The following ADAM9 variants were observed in gnomAD, a reference collection of about 807,000 sequenced individuals.
The protein encoded by ADAM9 is ADAM metallopeptidase domain 9.
A neutral mutation model predicts 108.1 loss-of-function variants in ADAM9; 54 were observed. The ratio of observed to expected loss-of-function variants is 0.50; its 90% CI spans 0.40 to 0.63. ADAM9 has a LOEUF of 0.63. Ranked by LOEUF, ADAM9 falls within the 20% of genes least tolerant of loss-of-function variation. The pLI, the probability that ADAM9 is intolerant of heterozygous loss-of-function variation, is 0.00. For missense variants in ADAM9, 830 were observed against 997.7 expected, an observed-to-expected ratio of 0.83 and a Z score of 2.26; for synonymous variants, 316 against 336.0, an observed-to-expected ratio of 0.94 and a Z score of 0.65.
At chr8:39,061,240 A>G (rs1588397539) in intron 14 of ADAM9, among the ~76,000 whole-genome samples, 1 of 152,206 alleles carries the variant, frequency 6.6e-6, no homozygotes, top group African/African-American at 2.4e-5. Flanking sequence ...CTTTCTTACC[A>G]TAATAACCAT....
chr8:39,098,888 G>T (rs1839593380), intron 20 of ADAM9, among the ~76,000 whole-genome samples: 1 of 152,086 alleles, frequency 6.6e-6, no homozygotes, highest in Admixed American at 6.6e-5. Context: ...CCTACCGAGA[G>T]TATTTTTCTT....
chr8:39,096,202 AT>A (rs1195258382), intron 20 of ADAM9, among the ~76,000 whole-genome samples: 1 of 135,212 alleles, frequency 7.4e-6, no homozygotes, highest in Non-Finnish European at 1.7e-5. Flanking sequence ...CACCTCAAGG[AT>A]TTATCATTTC....
rs1564298159 is a variant in ADAM9, at chr8:39,045,154, GTATACATACATATA to G, written c.1302+3039_1302+3052del. On this transcript the variant is annotated intron_variant, in intron 12 of 21. Transcript: ENST00000487273. Reference sequence around the variant, plus strand: ...TACATACATATATGTGTATATATGTGTATACATACATATATGTGTATATATGTGTATACATACAT... The same window carrying G: ...TACATACATATATGTGTATATATGTGTGTGTATATATGTGTATACATACAT... Among the ~76,000 whole-genome samples, 351 of 109,480 alleles carry G rather than the reference GTATACATACATATA, an allele frequency of 3.2e-3. 45 individuals carry two copies. The highest frequency in any genetic ancestry group is 5.6e-3 in the East Asian group (21 of 3,736). 71.8% of individuals were successfully genotyped at this position (109,480 alleles called of 152,430 possible).
intron 18 of ADAM9, 63 bp downstream of exon 18, chr8:39,083,136 C>T (rs1839074461): frequency 8.4e-7 from 1 of 1,190,486 alleles, no homozygotes; most frequent in South Asian, 1.2e-5. Flanking sequence ...ATTGGGCATC[C>T]TCGTACCTCT....
chr8:39,044,868 A>G (rs1413172081), intron 12 of ADAM9, among the ~76,000 whole-genome samples: 1 of 146,378 alleles, frequency 6.8e-6, no homozygotes, highest in Non-Finnish European at 1.5e-5. Flanking sequence ...GTGTGTGTGT[A>G]TACATACATA....
chr8:39,035,684 G>A (rs1483933112), intron 11 of ADAM9, among the ~76,000 whole-genome samples: 1 of 152,134 alleles, frequency 6.6e-6, no homozygotes, highest in Non-Finnish European at 1.5e-5. Context: ...GGGCATGGTG[G>A]CGGGCGCCTG....
At chr8:39,011,077 AG>A (rs1271565393) in intron 2 of ADAM9, among the ~76,000 whole-genome samples, 2 of 145,278 alleles carry the variant, frequency 1.4e-5, no homozygotes, top group African/African-American at 5.3e-5. Flanking sequence ...TAGGTGACAG[AG>A]TGAGACTCCA....
Position 39,103,756 on chromosome 8 carries a change from TTTTTCTTGATG to T in ADAM9, c.*66_*76del. On this transcript the variant is annotated 3_prime_UTR_variant, in exon 22 of 22. Transcript: ENST00000487273. ...CAGGGAACTGAGCTAATACTTTTTT[TTTTTCTTGATG>T]TTTTCTTGAAAAGCCTTTCTGTTGC... 1 of 1,534,720 alleles carries T rather than the reference TTTTTCTTGATG, an allele frequency of 6.5e-7. No homozygotes were observed. The highest frequency in any genetic ancestry group is 9.0e-7 in the Non-Finnish European group (1 of 1,109,782).
Position 39,067,084 on chromosome 8 carries a change from G to A in ADAM9, c.1592-4214G>A, listed in dbSNP as rs568271972. ...TGTAGATGTGTGGTATTATTTCTGA[G>A]GGCTCTGTTCTGTTCCATTGGTCTA... On this transcript the variant is annotated intron_variant, in intron 14 of 21. Coordinates refer to ENST00000487273, the MANE Select transcript of ADAM9 (RefSeq NM_003816.3). Among the ~76,000 whole-genome samples, 1,220 of 152,208 alleles carry A rather than the reference G, an allele frequency of 8.0e-3. 23 individuals carry two copies. Among genetic ancestry groups the A allele is most frequent in the African/African-American group, 0.028 (1,153 of 41,510 alleles).
chr8:39,035,298 T>C (rs1837234302), intron 11 of ADAM9, among the ~76,000 whole-genome samples: 1 of 152,202 alleles, frequency 6.6e-6, no homozygotes, highest in South Asian at 2.1e-4. Context: ...AAATCTGATA[T>C]ATTAGTTTTG....
intron 19 of ADAM9, 57 bp downstream of exon 19, chr8:39,090,245 G>A (rs1421975890): frequency 1.8e-5 from 27 of 1,465,214 alleles, no homozygotes; most frequent in Non-Finnish European, 2.3e-5. Flanking sequence ...CATTTTCTGA[G>A]ACAGAATCTC....
intron 16 of ADAM9, among the ~76,000 whole-genome samples, chr8:39,080,972 G>A (rs1397850265): frequency 7.2e-6 from 1 of 138,054 alleles, no homozygotes; most frequent in African/African-American, 2.7e-5. Flanking sequence ...TTTTTTTGAG[G>A]CAGGGTCTCG....
intron 2 of ADAM9, among the ~76,000 whole-genome samples, chr8:39,010,903 A>G (rs530491190): frequency 6.6e-6 from 1 of 152,018 alleles, no homozygotes; most frequent in East Asian, 1.9e-4. Flanking sequence ...GACCAGCCTT[A>G]CCAATGTGGT....
At chr8:39,013,893 A>C (rs1836437957) in intron 3 of ADAM9, 72 bp from the exon 4 acceptor site, 1 of 1,167,712 alleles carries the variant, frequency 8.6e-7, no homozygotes, top group Non-Finnish European at 1.3e-6. Flanking sequence ...TCTAGGAATA[A>C]TGCCTTATGA....
chr8:39,042,193 A>T lies in ADAM9; in HGVS notation c.1302+76A>T, dbSNP rs1434409545. 6 of 1,520,322 alleles carry T rather than the reference A, an allele frequency of 3.9e-6. No homozygotes were observed. In the Admixed American group the frequency reaches 8.4e-5, roughly 21 times the overall value. 94.2% of individuals were successfully genotyped at this position (1,520,322 alleles called of 1,614,324 possible). On this transcript the variant is annotated intron_variant, in intron 12 of 21. Coordinates refer to ENST00000487273, the MANE Select transcript of ADAM9 (RefSeq NM_003816.3). ...AGAAATAAAATGGCTTGCTTTGGGC[A>T]ACTCTGACATAGGAGCTAAAGTAAA... is the stretch of plus-strand genomic sequence containing the variant.
intron 2 of ADAM9, among the ~76,000 whole-genome samples, chr8:39,009,943 A>AAACAACAAC (rs370366463): frequency 4.7e-5 from 5 of 106,164 alleles, no homozygotes; most frequent in South Asian, 3.5e-4. Flanking sequence ...ACAAAAACAA[A>AAACAACAAC]AACAACAACA....
At chr8:39,091,903 G>T (rs1025821588) in intron 20 of ADAM9, among the ~76,000 whole-genome samples, 1 of 152,172 alleles carries the variant, frequency 6.6e-6, no homozygotes, top group Non-Finnish European at 1.5e-5. Context: ...GACATGGGAC[G>T]TATGCTATCA....
At chr8:39,078,123 C>T (rs1838905502) in intron 16 of ADAM9, among the ~76,000 whole-genome samples, 1 of 152,078 alleles carries the variant, frequency 6.6e-6, no homozygotes, top group Admixed American at 6.6e-5. Context: ...GTGGGTGGGC[C>T]TTCAAGTTAC....
intron 12 of ADAM9, among the ~76,000 whole-genome samples, chr8:39,045,473 CACACACCT>C (rs1837721194): frequency 3.2e-5 from 3 of 92,426 alleles, no homozygotes; most frequent in African/African-American, 9.4e-5. Context: ...CGTGTGTGTA[CACACACCT>C]ATATGTGCGT....
Sources: gnomAD v4.1 joint callset for allele counts (sites outside exome capture counted in the v4.1 genomes callset) on GRCh38, gnomAD v4.1.1 for gene constraint, MANE v1.5 for transcripts, NCBI Gene and HGNC (gene_info 2026-07-23, HGNC 2026-07-21) for gene names.